Variants in GPR179 observed in about 807,000 individuals in gnomAD.
GPR179 encodes the protein probable G protein-coupled receptor 179.
A neutral mutation model predicts 70.8 loss-of-function variants in GPR179; 52 were observed. That is an observed-to-expected ratio of 0.73 (90% CI 0.59 to 0.93). GPR179 has a LOEUF of 0.93. Among genes scored for constraint, GPR179 ranks in the 40% least tolerant of loss-of-function variants. GPR179 has a pLI of 0.00. For missense variants in GPR179, 2,734 were observed against 2,966.8 expected (o/e 0.92, Z 1.82); for synonymous variants, 1,123 against 1,169.0 (o/e 0.96, Z 0.80).
Position 38,324,991 on chromosome 17 carries a change from T to C in GPR179, c.*1474A>G, listed in dbSNP as rs1231652200. Among the ~76,000 whole-genome samples the C allele has an allele frequency of 2.0e-5, 3 of 152,136 alleles. No individual in the cohort carries two copies. Among genetic ancestry groups the C allele is most frequent in the Non-Finnish European group, 2.9e-5 (2 of 68,030 alleles). Reference sequence around the variant, plus strand: ...TATTTGGTCTCCCTGTTTGTCTTTTTCTCCCCATGAATGACATCAATGTCT... The same window carrying C: ...TATTTGGTCTCCCTGTTTGTCTTTTCCTCCCCATGAATGACATCAATGTCT... On this transcript the variant is annotated 3_prime_UTR_variant, in exon 11 of 11. Transcript: ENST00000616987.
chr17:38,326,983 G>A lies in GPR179; in HGVS notation c.6586C>T (p.Gln2196Ter). Reference protein sequence around the residue: ...EGTGSGGLLPQSGALDPELKV... With the variant: ...EGTGSGGLLP Reference sequence around the variant, plus strand: ...AGTTCTGGGTCCAGGGCACCTGACTGGGGCAAGAGCCCTCCTGAGCCTGTG... The same window carrying A: ...AGTTCTGGGTCCAGGGCACCTGACTAGGGCAAGAGCCCTCCTGAGCCTGTG... Residue 2196 changes from glutamine to a stop codon, truncating the protein, a stop_gained, in exon 11 of 11, where the codon CAG becomes TAG. Transcript: ENST00000616987. LOFTEE classifies it low-confidence loss of function (END_TRUNC). 2 of 1,614,074 alleles carry A rather than the reference G, an allele frequency of 1.2e-6. No individual in the cohort carries two copies. Among genetic ancestry groups the A allele is most frequent in the Non-Finnish European group, 1.7e-6 (2 of 1,180,020 alleles).
Position 38,331,517 on chromosome 17 carries a change from C to A in GPR179, c.2052G>T (p.Lys684Asn). ...DPGDIRDELKKLYAQLEVHKT... is the reference protein window; with the variant it reads ...DPGDIRDELKNLYAQLEVHKT... ...TGTGGACCTCTAGCTGGGCATAGAGCTTCTTCAGCTCGTCCTGTGGGGCAG... is the reference window on the plus strand; with the variant it reads ...TGTGGACCTCTAGCTGGGCATAGAGATTCTTCAGCTCGTCCTGTGGGGCAG... Residue 684 changes from lysine (K) to asparagine (N), a missense_variant, in exon 11 of 11, where the codon AAG becomes AAT. Transcript: ENST00000616987. The A allele has an allele frequency of 6.2e-7, 1 of 1,605,714 alleles. No individual in the cohort carries two copies. Among genetic ancestry groups the A allele is most frequent in the Admixed American group, 1.7e-5 (1 of 59,678 alleles).
chr17:38,337,338 A>G (rs2037414549), intron 3 of GPR179, 125 bp from the exon 4 acceptor site: 1 of 1,343,952 alleles, frequency 7.4e-7, no homozygotes, highest in Non-Finnish European at 1.0e-6. Flanking sequence ...TCCAGGGACA[A>G]GTGGGAATGG....
At chr17:38,340,093 A>G (rs933228800) in intron 1 of GPR179, among the ~76,000 whole-genome samples, 20 of 152,248 alleles carry the variant, frequency 1.3e-4, no homozygotes, top group Non-Finnish European at 1.3e-4. Context: ...ACCATGCTTC[A>G]TGGAATCTAA....
At position 38,335,675 on chromosome 17, in the gene GPR179, C is replaced by T. The variant is rs755076084; in HGVS notation, c.1322G>A (p.Ser441Asn). 3.7e-6 allele frequency: 6 copies of T among 1,614,018 alleles called. No homozygotes were observed. The highest frequency in any genetic ancestry group is 5.1e-6 in the Non-Finnish European group (6 of 1,179,876). ...GCGAAGAGCGATGCAGCGGAATACACTGGGCTTGAAGTATAGGATGAAGAC... is the reference window on the plus strand; with the variant it reads ...GCGAAGAGCGATGCAGCGGAATACATTGGGCTTGAAGTATAGGATGAAGAC... ...FPVFILYFKP[S>N]VFRCIALRWV... is the part of the protein sequence containing the mutation. The change falls in exon 6 of 11, where the codon AGT becomes AAT. Residue 441 changes from serine (S) to asparagine (N), a missense_variant. Coordinates refer to ENST00000616987, the MANE Select transcript of GPR179 (RefSeq NM_001004334.4).
In GPR179 at chr17:38,327,088, C is replaced by T. The variant is rs1262208939; in HGVS notation, c.6481G>A (p.Gly2161Arg). The T allele has an allele frequency of 6.2e-7, 1 of 1,614,244 alleles. No homozygotes were observed. Among genetic ancestry groups the T allele is most frequent in the Non-Finnish European group, 8.5e-7 (1 of 1,180,040 alleles). Residue 2161 changes from glycine to arginine, a missense_variant, in exon 11 of 11, where the codon GGA (glycine) becomes AGA (arginine). Transcript: ENST00000616987. ...AAGTGTTCTTCCGTCCCTCCAGGTC[C>T]TGCCTTCTGAAGGAACATCTCTCCT... ...GQGEMFLQKA[G>R]PGGTEEHFSK...
chr17:38,330,239 A>G lies in GPR179; in HGVS notation c.3330T>C (p.Ser1110=). The change falls in exon 11 of 11, where the codon AGT becomes AGC. Residue 1110 remains serine, a synonymous_variant. Coordinates refer to ENST00000616987, the MANE Select transcript of GPR179 (RefSeq NM_001004334.4). Reference sequence around the variant, plus strand: ...CAGTCCCGCTGTTCTGCCCCTCGGGACTCTCCTCCACACTCTCCTTCTCTC... The same window carrying G: ...CAGTCCCGCTGTTCTGCCCCTCGGGGCTCTCCTCCACACTCTCCTTCTCTC... ...TYREKESVEE[S]PEGQNSGTAG... The G allele has an allele frequency of 6.3e-7, 1 of 1,579,280 alleles. No individual in the cohort carries two copies. The highest frequency in any genetic ancestry group is 1.2e-5 in the South Asian group (1 of 86,706).
chr17:38,330,892 G>C lies in GPR179; in HGVS notation c.2677C>G (p.Arg893Gly). 6.2e-7 allele frequency: 1 copy of C among 1,602,382 alleles called. No homozygotes were observed. The highest frequency in any genetic ancestry group is 8.5e-7 in the Non-Finnish European group (1 of 1,175,188). Reference protein sequence around the residue: ...VRRPSARRLERPRGAPLSAPP... With the variant: ...VRRPSARRLEGPRGAPLSAPP... ...GCTGACAGGGGGGCCCCTCGAGGCC[G>C]CTCCAGCCTCCTGGCTGATGGCCTC... The change falls in exon 11 of 11, where the codon CGG becomes GGG. Residue 893 changes from arginine to glycine, a missense_variant. By Grantham distance (125) the Arg-to-Gly change is moderately radical. Coordinates refer to ENST00000616987, the MANE Select transcript of GPR179 (RefSeq NM_001004334.4).
In GPR179 at chr17:38,343,512, G is replaced by T; in HGVS notation, c.278C>A (p.Pro93Gln). The T allele has an allele frequency of 6.2e-7, 1 of 1,613,742 alleles. No homozygotes were observed. Among genetic ancestry groups the T allele is most frequent in the South Asian group, 1.1e-5 (1 of 91,088 alleles). The change falls in exon 1 of 11, where the codon CCA becomes CAA. Residue 93 changes from proline (P) to glutamine (Q), a missense_variant. Transcript: ENST00000616987. This position sits in a 1 kb window ranked among gnomAD's most constrained non-coding sequence, Gnocchi z 4.2. Reference sequence around the variant, plus strand: ...GGTGCCCGCTGCCCCCTGTAGGCTTGGGGGGAGCCCTGGCATGGCTCCTGC... The same window carrying T: ...GGTGCCCGCTGCCCCCTGTAGGCTTTGGGGGAGCCCTGGCATGGCTCCTGC... ...RGAGAMPGLP[P>Q]SLQGAAGTLA...
At chr17:38,333,064 T>G (rs907449796) in intron 10 of GPR179, among the ~76,000 whole-genome samples, 187 bp downstream of exon 10, 18 of 152,216 alleles carry the variant, frequency 1.2e-4, no homozygotes, top group Non-Finnish European at 2.5e-4. Context: ...TCTTCCCACT[T>G]GGGTGTGTGT....
rs1466152571 is a variant in GPR179, at chr17:38,329,842, C to T, written c.3727G>A (p.Val1243Ile). 1 of 1,613,988 alleles carries T rather than the reference C, an allele frequency of 6.2e-7. No homozygotes were observed. Among genetic ancestry groups the T allele is most frequent in the East Asian group, 2.2e-5 (1 of 44,878 alleles). ...GATTCAGTGACCTCCCAGGGGCATACCTCTGCCACCCTGTGGTCAGCGCTG... is the reference window on the plus strand; with the variant it reads ...GATTCAGTGACCTCCCAGGGGCATATCTCTGCCACCCTGTGGTCAGCGCTG... ...LGSADHRVAE[V>I]CPWEVTESET... The change falls in exon 11 of 11, where the codon GTA becomes ATA. Residue 1243 changes from valine (V) to isoleucine (I), a missense_variant. Coordinates refer to ENST00000616987, the MANE Select transcript of GPR179 (RefSeq NM_001004334.4).
In GPR179 at chr17:38,328,600, C is replaced by T. The variant is rs1405392734; in HGVS notation, c.4969G>A (p.Gly1657Ser). 1.2e-5 allele frequency: 20 copies of T among 1,614,148 alleles called. No individual in the cohort carries two copies. Among genetic ancestry groups the T allele is most frequent in the Middle Eastern group, 3.3e-4 (2 of 6,062 alleles). Residue 1657 changes from glycine (G) to serine (S), a missense_variant, in exon 11 of 11, where the codon GGC becomes AGC. Physicochemically the swap from Gly to Ser is moderately conservative, Grantham distance 56. Coordinates refer to ENST00000616987, the MANE Select transcript of GPR179 (RefSeq NM_001004334.4). ...AVGPWESVDP[G>S]SFSPQPRPQD... Reference sequence around the variant, plus strand: ...GGACGTGGTTGTGGGGAGAAGCTGCCAGGGTCCACACTCTCCCAGGGGCCG... The same window carrying T: ...GGACGTGGTTGTGGGGAGAAGCTGCTAGGGTCCACACTCTCCCAGGGGCCG...
chr17:38,343,402 A>G lies in GPR179; in HGVS notation c.388T>C (p.Tyr130His). Residue 130 changes from tyrosine to histidine, a missense_variant, in exon 1 of 11, where the codon TAC becomes CAC. Coordinates refer to ENST00000616987, the MANE Select transcript of GPR179 (RefSeq NM_001004334.4). The surrounding 1 kb of genome is among the most constrained non-coding windows in gnomAD (Gnocchi z 4.2). ...ESSVEEDVEW[Y>H]QALVRSVAEG... ...GCCACGCTGCGGACCAGTGCCTGGT[A>G]CCATTCCACATCCTCCTCCACACTG... 1.9e-6 allele frequency: 3 copies of G among 1,614,134 alleles called. No individual in the cohort carries two copies. Among genetic ancestry groups the G allele is most frequent in the South Asian group, 2.2e-5 (2 of 91,082 alleles).
chr17:38,335,242 G>A lies in GPR179; in HGVS notation c.1436C>T (p.Ala479Val). The change falls in exon 7 of 11, where the codon GCC becomes GTC. Residue 479 changes from alanine (A) to valine (V), a missense_variant. Physicochemically the swap from Ala to Val is moderately conservative, Grantham distance 64 (BLOSUM62 0). Transcript: ENST00000616987. ...GCTGCTCAGAAGGGCACTCCGCTGG[G>A]CCGTTCGAGACAGAAACAGCTGCAG... ...RVLQLFLSRT[A>V]QRSALLSSGR... is the part of the protein sequence containing the mutation. 2.6e-6 allele frequency: 4 copies of A among 1,551,620 alleles called. No individual in the cohort carries two copies. Among genetic ancestry groups the A allele is most frequent in the Non-Finnish European group, 3.5e-6 (4 of 1,147,488 alleles).
In GPR179 at chr17:38,329,611, C is replaced by T. The variant is rs1044191074; in HGVS notation, c.3958G>A (p.Val1320Met). Residue 1320 changes from valine to methionine, a missense_variant, in exon 11 of 11, where the codon GTG becomes ATG. Physicochemically the swap from Val to Met is conservative, Grantham distance 21. Transcript: ENST00000616987. ...CGATCGGCACTCTCCCAGGGACACACTGCTTCCTGCTCCCTCACCAGCCTC... is the reference window on the plus strand; with the variant it reads ...CGATCGGCACTCTCCCAGGGACACATTGCTTCCTGCTCCCTCACCAGCCTC... Reference protein sequence around the residue: ...PERLVREQEAVCPWESADRGG... With the variant: ...PERLVREQEAMCPWESADRGG... 6 of 1,614,004 alleles carry T rather than the reference C, an allele frequency of 3.7e-6. No homozygotes were observed. The Admixed American group carries it at 6.7e-5, about 18-fold the overall frequency.
At position 38,328,576 on chromosome 17, in the gene GPR179, G is replaced by T. The variant is rs1188584410; in HGVS notation, c.4993C>A (p.Pro1665Thr). The T allele has an allele frequency of 3.1e-6, 5 of 1,614,132 alleles. No homozygotes were observed. The South Asian group carries it at 5.5e-5, about 18-fold the overall frequency. The change falls in exon 11 of 11, where the codon CCT becomes ACT. Residue 1665 changes from proline to threonine, a missense_variant. Pro to Thr is a conservative substitution (Grantham distance 38). Coordinates refer to ENST00000616987, the MANE Select transcript of GPR179 (RefSeq NM_001004334.4). ...GTTTGGGGTCTCTCTGTGTCTTGAG[G>T]ACGTGGTTGTGGGGAGAAGCTGCCA... ...DPGSFSPQPR[P>T]QDTERPQTLL... is the part of the protein sequence containing the mutation.
chr17:38,331,022 CT>C lies in GPR179; in HGVS notation c.2546del (p.Lys849ArgfsTer120). 2 of 1,610,358 alleles carry C rather than the reference CT, an allele frequency of 1.2e-6. No homozygotes were observed. ...KSLSVASSREKALLMASQAYL... is the reference protein window; with the variant it reads ...KSLSVASSREXALLMASQAYL... ...AGGCCTGGCTGGCCATGAGCAAGGC[CT>C]TTTCCCTGGAGCTGGCCACACTGAG... On this transcript the variant is annotated frameshift_variant, in exon 11 of 11. Coordinates refer to ENST00000616987, the MANE Select transcript of GPR179 (RefSeq NM_001004334.4). LOFTEE classifies it low-confidence loss of function (END_TRUNC).
chr17:38,326,868 A>AT lies in GPR179; in HGVS notation c.6700dup (p.Ile2234AsnfsTer19). The AT allele has an allele frequency of 6.2e-7, 1 of 1,614,012 alleles. No individual in the cohort carries two copies. The highest frequency in any genetic ancestry group is 8.5e-7 in the Non-Finnish European group (1 of 1,179,996). ...ACAGATGTCTGCCATGGTACCCTTTATTTTATTTCCTTCTGGATCTGTGAT... is the reference window on the plus strand; with the variant it reads ...ACAGATGTCTGCCATGGTACCCTTTATTTTTATTTCCTTCTGGATCTGTGAT... On this transcript the variant is annotated frameshift_variant, in exon 11 of 11. Coordinates refer to ENST00000616987, the MANE Select transcript of GPR179 (RefSeq NM_001004334.4). LOFTEE classifies it low-confidence loss of function (END_TRUNC).
intron 1 of GPR179, among the ~76,000 whole-genome samples, chr17:38,340,644 G>A (rs1485090561): frequency 1.3e-5 from 2 of 152,188 alleles, no homozygotes; most frequent in East Asian, 1.9e-4. Context: ...TAGGCGGGGT[G>A]CAGTGGCTCA....
Sources: gnomAD v4.1 joint callset for allele counts (sites outside exome capture counted in the v4.1 genomes callset) on GRCh38, gnomAD v4.1.1 for gene constraint, Gnocchi (gnomAD v3.1) non-coding constraint, MANE v1.5 for transcripts, NCBI Gene and HGNC (gene_info 2026-07-23, HGNC 2026-07-21) for gene names.